EIF3F: variants seen among roughly 807,000 people sequenced by gnomAD.
EIF3F encodes eukaryotic translation initiation factor 3 subunit F.
EIF3F carries 8 observed loss-of-function variants against 36.0 expected under a neutral mutation model. The observed-to-expected ratio is 0.22, with a 90% CI of 0.13 to 0.40. The LOEUF (loss-of-function observed/expected upper bound fraction) is 0.40. EIF3F is among the 10% of genes least tolerant of loss of function. The pLI, the probability that EIF3F is intolerant of heterozygous loss-of-function variation, is 1.00. For synonymous variants in EIF3F, 184 were observed against 188.5 expected (o/e 0.98, Z 0.19); for missense variants, 430 against 467.6 (o/e 0.92, Z 0.74).
chr11:7,992,029 C>G, intron 2 of EIF3F, 55 bp from the exon 3 acceptor site: 1 of 1,586,876 alleles, frequency 6.3e-7, no homozygotes. Flanking sequence ...CCTTTTTAAC[C>G]AATTTTTCTT....
intron 4 of EIF3F, among the ~76,000 whole-genome samples, chr11:7,993,227 C>G (rs1942118405): frequency 6.6e-6 from 1 of 152,166 alleles, no homozygotes; most frequent in Admixed American, 6.5e-5. Flanking sequence ...TAGTTGTACT[C>G]CAGTTTCTAC....
chr11:7,998,744 C>A lies in EIF3F; in HGVS notation c.*2722C>A, dbSNP rs927764113. 6.6e-6 allele frequency: 1 copy of A among 151,908 alleles called. No individual in the cohort carries two copies. Among genetic ancestry groups the A allele is most frequent in the East Asian group, 1.9e-4 (1 of 5,188 alleles). 9.4% of individuals were successfully genotyped at this position (151,908 alleles called of 1,614,324 possible). Reference sequence around the variant, plus strand: ...AAAAAACAAAAGAATGATAAAAATTCCCAATAATGTTTACTTTGGTGGTGA... The same window carrying A: ...AAAAAACAAAAGAATGATAAAAATTACCAATAATGTTTACTTTGGTGGTGA... On this transcript the variant is annotated 3_prime_UTR_variant, in exon 8 of 8. Coordinates refer to ENST00000651655, the MANE Select transcript of EIF3F (RefSeq NM_003754.3).
chr11:7,988,883 A>T (rs1307532236), intron 1 of EIF3F, among the ~76,000 whole-genome samples: 3 of 152,226 alleles, frequency 2.0e-5, no homozygotes, highest in Admixed American at 1.3e-4. Flanking sequence ...GTTGCCATTC[A>T]CATCAGGCCT....
intron 3 of EIF3F, 47 bp from the exon 4 acceptor site, chr11:7,992,840 T>C (rs1250504975): frequency 6.2e-7 from 1 of 1,612,362 alleles, no homozygotes. Context: ...TGTTTGATAT[T>C]GACGCCACAT....
In EIF3F at chr11:8,000,556, G is replaced by T. The variant is rs180786798; in HGVS notation, c.*4534G>T. ...TCACCAGGAGAAATGAATATGTGAG[G>T]TGATGGATGTAACTAGCTTGATTGT... On this transcript the variant is annotated 3_prime_UTR_variant, in exon 8 of 8. Transcript: ENST00000651655. 2.3e-4 allele frequency: 35 copies of T among 151,646 alleles called. No homozygotes were observed. The highest frequency in any genetic ancestry group is 7.7e-4 in the African/African-American group (32 of 41,316). The allele number at this position is 151,646 out of a possible 1,614,324, so 9.4% of individuals were successfully genotyped here.
chr11:7,996,467 T>C lies in EIF3F; in HGVS notation c.*445T>C, dbSNP rs959637048. 1 of 154,812 alleles carries C rather than the reference T, an allele frequency of 6.5e-6. No individual in the cohort carries two copies. Among genetic ancestry groups the C allele is most frequent in the African/African-American group, 2.4e-5 (1 of 41,494 alleles). 9.6% of individuals were successfully genotyped at this position (154,812 alleles called of 1,614,324 possible). ...AAAAGAGTAGAGTGTGTAGTCACTATCTTAAAATACATTAATAGTAAGATG... is the reference window on the plus strand; with the variant it reads ...AAAAGAGTAGAGTGTGTAGTCACTACCTTAAAATACATTAATAGTAAGATG... On this transcript the variant is annotated 3_prime_UTR_variant, in exon 8 of 8. Transcript: ENST00000651655.
intron 1 of EIF3F, 78 bp from the exon 2 acceptor site, chr11:7,991,702 CA>C: frequency 2.2e-6 from 3 of 1,381,734 alleles, no homozygotes. Flanking sequence ...AAGAGATCAT[CA>C]AAAGCATTTC....
chr11:7,999,030 A>G lies in EIF3F; in HGVS notation c.*3008A>G, dbSNP rs1021922493. 3 of 152,188 alleles carry G rather than the reference A, an allele frequency of 2.0e-5. No individual in the cohort carries two copies. The highest frequency in any genetic ancestry group is 7.2e-5 in the African/African-American group (3 of 41,450). The allele number at this position is 152,188 out of a possible 1,614,324, so 9.4% of individuals were successfully genotyped here. On this transcript the variant is annotated 3_prime_UTR_variant, in exon 8 of 8. Transcript: ENST00000651655. ...GTAATCCCAGCACTTTGGCAGGCTG[A>G]GATGGGTTAATCAAGACCAGAAGTT... is the stretch of plus-strand genomic sequence containing the variant.
In EIF3F at chr11:7,989,190, C is replaced by T. The variant is rs1296188702; in HGVS notation, c.364+1474C>T. 4.6e-5 allele frequency among the ~76,000 whole-genome samples: 7 copies of T among 152,320 alleles called. No homozygotes were observed. The East Asian group carries it at 1.3e-3, about 29-fold the overall frequency. On this transcript the variant is annotated intron_variant, in intron 1 of 7. Coordinates refer to ENST00000651655, the MANE Select transcript of EIF3F (RefSeq NM_003754.3). ...GATGGTGTTCTGTAACTGTGCCCTG[C>T]TCTGAGCTTCTGTAATAAATTATTT...
rs1167004834 is a variant in EIF3F at position 7,992,153 on chromosome 11, A to G, written c.505A>G (p.Ile169Val). Residue 169 changes from isoleucine (I) to valine (V), a missense_variant, in exon 3 of 8, where the codon ATC (isoleucine) becomes GTC (valine). Ile to Val is a conservative substitution (Grantham distance 29). Transcript: ENST00000651655. ...LHKKVSPNEL[I>V]LGWYATGHDI... ...TAAAAAAGTTTCTCCAAATGAGCTC[A>G]TCCTGGGCTGGTAAGTTGGGGAGGT... The G allele has an allele frequency of 1.2e-6, 2 of 1,611,920 alleles. No individual in the cohort carries two copies. Among genetic ancestry groups the G allele is most frequent in the East Asian group, 2.2e-5 (1 of 44,876 alleles).
In EIF3F at chr11:7,999,105, A is replaced by AT. The variant is rs994328635; in HGVS notation, c.*3083_*3084insT. 2.0e-5 allele frequency: 3 copies of AT among 152,112 alleles called. No individual in the cohort carries two copies. The highest frequency in any genetic ancestry group is 4.4e-5 in the Non-Finnish European group (3 of 68,012). 9.4% of individuals were successfully genotyped at this position (152,112 alleles called of 1,614,324 possible). A position where few individuals can be genotyped will look rare whatever the true frequency, so the allele number is the denominator to read the frequency against. On this transcript the variant is annotated 3_prime_UTR_variant, in exon 8 of 8. Transcript: ENST00000651655. ...AAAACCCCGTCTCTACTAAAAAAAA[A>AT]CAAAAAATACAAAAATTAGCCAGGC...
rs953398016 is a variant in EIF3F, at chr11:8,000,172, C to T, written c.*4150C>T. The T allele has an allele frequency of 2.0e-5, 3 of 151,324 alleles. No homozygotes were observed. The highest frequency in any genetic ancestry group is 4.4e-5 in the Non-Finnish European group (3 of 67,950). The allele number at this position is 151,324 out of a possible 1,614,324, so 9.4% of individuals were successfully genotyped here. A position where few individuals can be genotyped will look rare whatever the true frequency, so the allele number is the denominator to read the frequency against. The stretch of plus-strand genomic sequence containing the variant: ...TGAGATTCCGCCACTGCAGTCCAGC[C>T]TGAGCGACAAGAGTGAGAAGAGTGA... On this transcript the variant is annotated 3_prime_UTR_variant, in exon 8 of 8. Transcript: ENST00000651655.
chr11:7,987,544 C>T lies in EIF3F; in HGVS notation c.192C>T (p.Ala64=), dbSNP rs781629866. The stretch of plus-strand genomic sequence containing the variant: ...CTGCGGCTCCTGGCCAGACCCCGGC[C>T]TCAGCGCAAGCTCCAGCGCAGACCC... ...AATAAPGQTP[A]SAQAPAQTPA... Residue 64 remains alanine, a synonymous_variant, in exon 1 of 8, where the codon GCC becomes GCT. Coordinates refer to ENST00000651655, the MANE Select transcript of EIF3F (RefSeq NM_003754.3). The T allele has an allele frequency of 6.2e-7, 1 of 1,603,444 alleles. No homozygotes were observed. The highest frequency in any genetic ancestry group is 1.3e-5 in the African/African-American group (1 of 74,438).
chr11:7,997,293 T>G lies in EIF3F; in HGVS notation c.*1271T>G, dbSNP rs559321026. ...GAAGGTTAATCAGAGTCAAAATGTT[T>G]CAGTGTTCTTACATTTTTGGGAGTA... On this transcript the variant is annotated 3_prime_UTR_variant, in exon 8 of 8. Coordinates refer to ENST00000651655, the MANE Select transcript of EIF3F (RefSeq NM_003754.3). 1 of 152,320 alleles carries G rather than the reference T, an allele frequency of 6.6e-6. No individual in the cohort carries two copies. The highest frequency in any genetic ancestry group is 1.9e-4 in the East Asian group (1 of 5,190). The allele number at this position is 152,320 out of a possible 1,614,324, so 9.4% of individuals were successfully genotyped here.
chr11:7,991,719 TAGTC>T, intron 1 of EIF3F, 58 bp from the exon 2 acceptor site: 2 of 1,496,416 alleles, frequency 1.3e-6, no homozygotes, highest in Admixed American at 3.3e-5. Flanking sequence ...ATTTCAAAAG[TAGTC>T]AGAGGTTGTT....
chr11:7,994,129 G>C (rs749100811), intron 4 of EIF3F, among the ~76,000 whole-genome samples: 5 of 152,056 alleles, frequency 3.3e-5, no homozygotes, highest in African/African-American at 1.2e-4. Flanking sequence ...CCAGCTCTAC[G>C]GGGTAATTGA....
intron 7 of EIF3F, chr11:7,995,740 A>G (rs966707733): frequency 1.1e-5 from 7 of 638,646 alleles, no homozygotes; most frequent in Admixed American, 2.6e-5. Context: ...CCCCTAGTCT[A>G]TAAGTGTATC....
intron 4 of EIF3F, among the ~76,000 whole-genome samples, chr11:7,993,460 CATTT>C (rs1417637779): frequency 3.9e-4 from 60 of 152,308 alleles, no homozygotes; most frequent in African/African-American, 1.3e-3. Flanking sequence ...ATTTTGAACA[CATTT>C]ATTAACCCAG....
rs987520902 is a variant in EIF3F at position 8,001,517 on chromosome 11, A to G, written c.*5495A>G. The G allele has an allele frequency of 5.9e-5, 9 of 152,242 alleles. No individual in the cohort carries two copies. The highest frequency in any genetic ancestry group is 2.2e-4 in the African/African-American group (9 of 41,458). 9.4% of individuals were successfully genotyped at this position (152,242 alleles called of 1,614,324 possible). ...CAGAATAGAAATTAAACAAAGTATG[A>G]TATATCCATAAAACACAATACTATG... On this transcript the variant is annotated 3_prime_UTR_variant, in exon 8 of 8. Coordinates refer to ENST00000651655, the MANE Select transcript of EIF3F (RefSeq NM_003754.3).
Sources: gnomAD v4.1 joint callset for allele counts (sites outside exome capture counted in the v4.1 genomes callset) on GRCh38, gnomAD v4.1.1 for gene constraint, MANE v1.5 for transcripts, NCBI Gene and HGNC (gene_info 2026-07-23, HGNC 2026-07-21) for gene names.